LIMK2: variants seen among roughly 807,000 people sequenced by gnomAD.
LIMK2 encodes LIM domain kinase 2.
A neutral mutation model predicts 75.7 loss-of-function variants in LIMK2; 35 were observed. The ratio of observed to expected loss-of-function variants is 0.46; its 90% confidence interval spans 0.35 to 0.61. LIMK2 has a LOEUF of 0.61. Ranked by LOEUF, LIMK2 falls within the 20% of genes least tolerant of loss-of-function variation. The probability of loss-of-function intolerance (pLI) is 0.00; values close to 1 mark genes in which losing one functional copy is unlikely to be tolerated. For missense variants in LIMK2, 623 were observed against 831.0 expected (o/e 0.75, Z 3.08); for synonymous variants, 301 against 319.2 (o/e 0.94, Z 0.61).
intron 2 of LIMK2, among the ~76,000 whole-genome samples, chr22:31,236,505 A>T (rs963254996): frequency 6.7e-6 from 1 of 148,586 alleles, no homozygotes; most frequent in Non-Finnish European, 1.5e-5. Flanking sequence ...GCTACTCAGG[A>T]GGCTGAGGCG....
intron 1 of LIMK2, among the ~76,000 whole-genome samples, chr22:31,220,611 A>G (rs577873303): frequency 1.3e-5 from 2 of 152,352 alleles, no homozygotes; most frequent in Non-Finnish European, 2.9e-5. Context: ...TAAAATAGGT[A>G]TAGACAAAAT....
At chr22:31,225,658 G>C (rs1268420461) in intron 1 of LIMK2, 62 bp from the exon 2 acceptor site, 3 of 1,211,638 alleles carry the variant, frequency 2.5e-6, no homozygotes, top group Non-Finnish European at 3.6e-6. Flanking sequence ...CTACATGGTA[G>C]GAATCCTGTC....
chr22:31,219,881 A>T (rs868056700), intron 1 of LIMK2, among the ~76,000 whole-genome samples: 3 of 152,120 alleles, frequency 2.0e-5, no homozygotes, highest in Non-Finnish European at 4.4e-5. Context: ...TCTTTTCTGG[A>T]CTCTTAACAA....
intron 2 of LIMK2, among the ~76,000 whole-genome samples, chr22:31,235,326 A>T (rs761185651): frequency 1.3e-4 from 20 of 152,174 alleles, no homozygotes; most frequent in Non-Finnish European, 2.6e-4. Flanking sequence ...AAATGGCAAG[A>T]CGGAATCAGT....
intron 15 of LIMK2, chr22:31,275,633 T>C (rs1601448387): frequency 6.6e-6 from 1 of 151,012 alleles, no homozygotes; most frequent in Admixed American, 8.6e-5. Flanking sequence ...ACACATATAC[T>C]TTTTTTTATA....
intron 2 of LIMK2, among the ~76,000 whole-genome samples, chr22:31,231,406 G>A (rs753983237): frequency 2.6e-5 from 4 of 152,186 alleles, no homozygotes; most frequent in Admixed American, 2.0e-4. Context: ...TTTGATTCTG[G>A]CTGTGGCCTT....
chr22:31,267,046 G>T lies in LIMK2; in HGVS notation c.1104G>T (p.Glu368Asp). The change falls in exon 9 of 16, where the codon GAG becomes GAT. Residue 368 changes from glutamate (E) to aspartate (D), a missense_variant. Coordinates refer to ENST00000331728, the MANE Select transcript of LIMK2 (RefSeq NM_005569.4). ...AAGAGTTAATTCGATGTGATGAGGA[G>T]ACCCAGAAAACTTTTCTGACTGAGG... ...VMKELIRCDE[E>D]TQKTFLTEVK... is the part of the protein sequence containing the mutation. The T allele has an allele frequency of 1.9e-6, 3 of 1,608,542 alleles. No homozygotes were observed. In the South Asian group the frequency reaches 3.3e-5, roughly 18 times the overall value.
At chr22:31,254,692 C>T (rs2048759381) in intron 2 of LIMK2, among the ~76,000 whole-genome samples, 1 of 152,194 alleles carries the variant, frequency 6.6e-6, no homozygotes, top group Non-Finnish European at 1.5e-5. Flanking sequence ...GGCATAGTGG[C>T]TCACACCTGT....
Position 31,275,138 on chromosome 22 carries a change from T to G in LIMK2, c.1615-13T>G. On this transcript the variant is annotated splice_polypyrimidine_tract_variant and intron_variant, in intron 14 of 15. Coordinates refer to ENST00000331728, the MANE Select transcript of LIMK2 (RefSeq NM_005569.4). Reference sequence around the variant, plus strand: ...TGTAGTCCTTTGTAAACAGCTGTCTTCTTACCCTACAGATCATTGGGCAGG... The same window carrying G: ...TGTAGTCCTTTGTAAACAGCTGTCTGCTTACCCTACAGATCATTGGGCAGG... The G allele has an allele frequency of 1.9e-6, 3 of 1,613,944 alleles. No homozygotes were observed. Among genetic ancestry groups the G allele is most frequent in the Non-Finnish European group, 2.5e-6 (3 of 1,179,838 alleles).
chr22:31,221,711 C>T (rs1253412762), intron 1 of LIMK2, among the ~76,000 whole-genome samples: 3 of 152,116 alleles, frequency 2.0e-5, no homozygotes, highest in Non-Finnish European at 1.5e-5. Context: ...TCTCGAACTC[C>T]TGACCTTGTG....
chr22:31,242,204 G>A (rs1260978450), intron 2 of LIMK2, among the ~76,000 whole-genome samples: 2 of 152,206 alleles, frequency 1.3e-5, no homozygotes, highest in Non-Finnish European at 2.9e-5. Context: ...ATGAAGTCAA[G>A]TCTAACTAGT....
chr22:31,249,366 C>G (rs1436552753), intron 2 of LIMK2, among the ~76,000 whole-genome samples: 1 of 152,160 alleles, frequency 6.6e-6, no homozygotes, highest in Non-Finnish European at 1.5e-5. Flanking sequence ...AAGACTGGAG[C>G]AATGGGCTTT....
At chr22:31,270,521 G>A (rs995335420) in intron 11 of LIMK2, among the ~76,000 whole-genome samples, 4 of 152,208 alleles carry the variant, frequency 2.6e-5, no homozygotes, top group African/African-American at 4.8e-5. Flanking sequence ...TGCAAGGGAA[G>A]GAGAAAGGAA....
chr22:31,262,663 A>G lies in LIMK2; in HGVS notation c.726A>G (p.Gln242=), dbSNP rs753825423. ...TGATTGAACATGACCCCGTCTCCCA[A>G]CGCCTGGACCAGCTGCGGCTGGAGG... The part of the protein sequence containing the change: ...QLLIEHDPVS[Q]RLDQLRLEAR... Residue 242 remains glutamine, a synonymous_variant, in exon 7 of 16, where the codon CAA becomes CAG. Coordinates refer to ENST00000331728, the MANE Select transcript of LIMK2 (RefSeq NM_005569.4). The surrounding 1 kb of genome is among the most constrained non-coding windows in gnomAD (Gnocchi z 5.0). 6.2e-6 allele frequency: 10 copies of G among 1,614,016 alleles called. 1 individual carries two copies. The Middle Eastern group carries it at 4.9e-4, about 80-fold the overall frequency.
intron 2 of LIMK2, among the ~76,000 whole-genome samples, chr22:31,229,659 C>T (rs935364598): frequency 2.0e-5 from 3 of 152,216 alleles, no homozygotes; most frequent in African/African-American, 7.2e-5. Context: ...CCCCTTCCCC[C>T]AGTACCTTTG....
At chr22:31,259,783 A>C (rs2048819328) in intron 4 of LIMK2, 106 bp from the exon 5 acceptor site, 10 of 895,758 alleles carry the variant, frequency 1.1e-5, no homozygotes, top group Non-Finnish European at 1.6e-5. Context: ...AGAGGGTGGT[A>C]GTGAGACTAT....
At chr22:31,270,062 G>A (rs115679275) in intron 11 of LIMK2, among the ~76,000 whole-genome samples, 153 of 152,262 alleles carry the variant, frequency 1.0e-3, no homozygotes, top group African/African-American at 3.4e-3. Context: ...CAACTGGTTT[G>A]GGAAGAGCTA....
intron 1 of LIMK2, among the ~76,000 whole-genome samples, chr22:31,223,230 C>A (rs777000105): frequency 2.6e-5 from 4 of 152,128 alleles, no homozygotes; most frequent in Non-Finnish European, 4.4e-5. Context: ...TCATGCTTAA[C>A]CCAAAGCAGG....
intron 2 of LIMK2, chr22:31,248,811 C>T (rs960037643): frequency 1.2e-6 from 2 of 1,600,728 alleles, no homozygotes; most frequent in Non-Finnish European, 8.6e-7. Flanking sequence ...TCTCCTGGCC[C>T]CTGGTCCTGA....
Sources: allele counts gnomAD v4.1 joint callset (sites outside exome capture counted in the v4.1 genomes callset), GRCh38; gene constraint gnomAD v4.1.1; non-coding constraint Gnocchi (gnomAD v3.1); transcripts MANE v1.5; gene names NCBI Gene and HGNC (gene_info 2026-07-23, HGNC 2026-07-21).